BBX: variants seen among roughly 807,000 people sequenced by gnomAD.
The protein encoded by BBX is HMG box transcription factor BBX.
A neutral mutation model predicts 100.2 loss-of-function variants in BBX; 30 were observed. That is an observed-to-expected ratio of 0.30 (90% CI 0.22 to 0.41). BBX has a LOEUF of 0.41. Ranked by LOEUF, BBX falls within the 10% of genes least tolerant of loss-of-function variation. BBX has a pLI of 1.00. For synonymous variants in BBX, 376 were observed against 388.1 expected, an observed-to-expected ratio of 0.97 and a Z score of 0.37; for missense variants, 1,023 against 1,129.8, an observed-to-expected ratio of 0.91 and a Z score of 1.35.
Position 107,729,076 on chromosome 3 carries a change from G to A in BBX, c.601+116G>A, listed in dbSNP as rs145681237. ...AATTTATAACCAATATTAAGCAGTG[G>A]CAAAGATATAGCATATTTTCAAGCA... On this transcript the variant is annotated intron_variant, in intron 6 of 17. Coordinates refer to ENST00000325805, the MANE Select transcript of BBX (RefSeq NM_001142568.3). The A allele has an allele frequency of 1.8e-3, 1,794 of 1,015,438 alleles. 1 individual carries two copies. The highest frequency in any genetic ancestry group is 2.4e-3 in the Non-Finnish European group (1,654 of 684,704). 62.9% of individuals were successfully genotyped at this position (1,015,438 alleles called of 1,614,324 possible). A position where few individuals can be genotyped will look rare whatever the true frequency, so the allele number is the denominator to read the frequency against.
At chr3:107,564,695 T>A (rs767112055) in intron 2 of BBX, among the ~76,000 whole-genome samples, 2 of 152,214 alleles carry the variant, frequency 1.3e-5, no homozygotes, top group African/African-American at 2.4e-5. Context: ...TTTTTTTGAA[T>A]TTACATGTTA....
intron 17 of BBX, among the ~76,000 whole-genome samples, chr3:107,804,094 A>T (rs1275484101): frequency 6.6e-6 from 1 of 152,178 alleles, no homozygotes; most frequent in Non-Finnish European, 1.5e-5. Context: ...TAACATCCAC[A>T]TGTGAATAGC....
chr3:107,620,746 C>T (rs1334079814), intron 2 of BBX, among the ~76,000 whole-genome samples: 2 of 152,080 alleles, frequency 1.3e-5, no homozygotes, highest in African/African-American at 4.8e-5. Flanking sequence ...TTATACATGG[C>T]CTTTACTGAT....
At chr3:107,672,421 T>C (rs896638429) in intron 3 of BBX, among the ~76,000 whole-genome samples, 11 of 151,968 alleles carry the variant, frequency 7.2e-5, no homozygotes, top group African/African-American at 2.7e-4. Context: ...AAGCATAAGT[T>C]GAGTATGGGA....
chr3:107,659,132 T>C (rs78456362), intron 3 of BBX, among the ~76,000 whole-genome samples: 3 of 152,038 alleles, frequency 2.0e-5, no homozygotes, highest in Non-Finnish European at 4.4e-5. Flanking sequence ...AATAGTATTA[T>C]ATATATTTAA....
intron 5 of BBX, among the ~76,000 whole-genome samples, chr3:107,718,939 A>T (rs2062316492): frequency 6.6e-6 from 1 of 152,064 alleles, no homozygotes; most frequent in African/African-American, 2.4e-5. Flanking sequence ...TACACAATTG[A>T]TCTCTAGTCG....
intron 2 of BBX, among the ~76,000 whole-genome samples, chr3:107,580,210 C>T (rs889184815): frequency 6.6e-6 from 1 of 152,070 alleles, no homozygotes. Flanking sequence ...TAATGTAATA[C>T]AAAATAGGCT....
intron 2 of BBX, among the ~76,000 whole-genome samples, chr3:107,582,454 A>G (rs2052356756): frequency 6.6e-6 from 1 of 152,092 alleles, no homozygotes; most frequent in Admixed American, 6.6e-5. Context: ...GTCAGTTGTC[A>G]TCTTTGAAAA....
At chr3:107,616,723 T>G (rs2055318687) in intron 2 of BBX, among the ~76,000 whole-genome samples, 1 of 152,198 alleles carries the variant, frequency 6.6e-6, no homozygotes, top group Non-Finnish European at 1.5e-5. Context: ...TTCATGTATT[T>G]TCTCCCTTTT....
At chr3:107,770,283 C>T (rs184145571) in intron 10 of BBX, among the ~76,000 whole-genome samples, 21 of 152,252 alleles carry the variant, frequency 1.4e-4, no homozygotes, top group African/African-American at 4.8e-4. Context: ...CAGCATACCA[C>T]TAAAAACTAG....
intron 10 of BBX, among the ~76,000 whole-genome samples, chr3:107,758,226 T>G (rs533619858): frequency 6.6e-6 from 1 of 152,362 alleles, no homozygotes; most frequent in South Asian, 2.1e-4. Flanking sequence ...AGATTTCTTC[T>G]TCTTCTTTGG....
At chr3:107,624,824 G>A (rs988832768) in intron 2 of BBX, among the ~76,000 whole-genome samples, 2 of 152,152 alleles carry the variant, frequency 1.3e-5, no homozygotes, top group Non-Finnish European at 2.9e-5. Context: ...AGCTGAGATC[G>A]TGCCATTGCA....
intron 2 of BBX, among the ~76,000 whole-genome samples, chr3:107,591,561 C>T (rs2053315149): frequency 6.6e-6 from 1 of 152,220 alleles, no homozygotes; most frequent in African/African-American, 2.4e-5. Flanking sequence ...TATCAGGGCT[C>T]ACTGCAGCCT....
chr3:107,621,930 T>TA (rs917740567), intron 2 of BBX, among the ~76,000 whole-genome samples: 5 of 152,164 alleles, frequency 3.3e-5, no homozygotes, highest in African/African-American at 1.2e-4. Context: ...ACATGGGGCC[T>TA]AAAAAAACTT....
chr3:107,671,317 T>A (rs1442179573), intron 3 of BBX, among the ~76,000 whole-genome samples: 1 of 152,086 alleles, frequency 6.6e-6, no homozygotes, highest in Non-Finnish European at 1.5e-5. Flanking sequence ...TAACTTGAAG[T>A]TCTGAAATCC....
chr3:107,608,282 T>C (rs1185658699), intron 2 of BBX, among the ~76,000 whole-genome samples: 1 of 152,238 alleles, frequency 6.6e-6, no homozygotes, highest in African/African-American at 2.4e-5. Flanking sequence ...CTCATTCTTC[T>C]GCATATGGAT....
intron 13 of BBX, among the ~76,000 whole-genome samples, chr3:107,779,116 A>G (rs936196396): frequency 2.0e-5 from 3 of 150,364 alleles, no homozygotes; most frequent in Non-Finnish European, 4.4e-5. Flanking sequence ...TCTACTGCCT[A>G]TATCAGGGAA....
intron 3 of BBX, among the ~76,000 whole-genome samples, chr3:107,702,683 AATG>A (rs1317441119): frequency 6.6e-6 from 1 of 152,226 alleles, no homozygotes; most frequent in Non-Finnish European, 1.5e-5. Context: ...TGTACAGGAA[AATG>A]ATAATTGTCA....
At chr3:107,588,904 T>A (rs1300454836) in intron 2 of BBX, among the ~76,000 whole-genome samples, 1 of 152,194 alleles carries the variant, frequency 6.6e-6, no homozygotes, top group Admixed American at 6.5e-5. Context: ...AAATTACGTA[T>A]TTAGTCTACT....
Sources: gnomAD v4.1 joint callset for allele counts (sites outside exome capture counted in the v4.1 genomes callset) on GRCh38, gnomAD v4.1.1 for gene constraint, MANE v1.5 for transcripts, NCBI Gene and HGNC (gene_info 2026-07-23, HGNC 2026-07-21) for gene names.